FMN2: variants seen among roughly 807,000 people sequenced by gnomAD.
FMN2 encodes formin-2.
FMN2 carries 51 observed loss-of-function variants against 142.3 expected under a neutral mutation model. That is an observed-to-expected ratio of 0.36 (90% CI 0.29 to 0.45). The LOEUF is 0.45. Ranked by LOEUF, FMN2 falls within the 20% of genes least tolerant of loss-of-function variation. The pLI, the probability that FMN2 is intolerant of heterozygous loss-of-function variation, is 1.00. For synonymous variants in FMN2, 882 were observed against 869.8 expected (o/e 1.01, Z -0.25); for missense variants, 1,936 against 2,122.8 (o/e 0.91, Z 1.73).
intron 2 of FMN2, among the ~76,000 whole-genome samples, chr1:240,151,206 AATG>A (rs1663757236): frequency 6.6e-6 from 1 of 152,174 alleles, no homozygotes; most frequent in Admixed American, 6.5e-5. Context: ...CTCATTTTTA[AATG>A]ATGATAATAA....
chr1:240,265,757 G>A (rs902400987), intron 7 of FMN2, among the ~76,000 whole-genome samples: 7 of 152,004 alleles, frequency 4.6e-5, no homozygotes, highest in African/African-American at 1.7e-4. Flanking sequence ...TAGTTCAAAA[G>A]GCTATTGAGT....
rs757374350 is a variant in FMN2 at position 240,092,574 on chromosome 1, G to C, written c.465G>C (p.Gly155=). Residue 155 remains glycine, a synonymous_variant, in exon 1 of 18, where the codon GGG becomes GGC. Coordinates refer to ENST00000319653, the MANE Select transcript of FMN2 (RefSeq NM_020066.5). ...GGPGPAEARV[G]GRPIAEDVET... is the part of the protein sequence containing the mutation. ...CTGGGCCTGCCGAGGCTAGGGTCGG[G>C]GGCCGGCCGATCGCCGAGGATGTGG... is the stretch of plus-strand genomic sequence containing the variant. The C allele has an allele frequency of 1.9e-6, 3 of 1,613,490 alleles. No homozygotes were observed. Among genetic ancestry groups the C allele is most frequent in the Admixed American group, 1.7e-5 (1 of 59,980 alleles).
intron 15 of FMN2, among the ~76,000 whole-genome samples, chr1:240,426,796 C>T (rs886527136): frequency 8.5e-5 from 13 of 152,144 alleles, no homozygotes; most frequent in African/African-American, 3.1e-4. Context: ...AGTACAATGG[C>T]ATGATCTTGG....
chr1:240,437,202 A>G (rs368099057), intron 15 of FMN2, among the ~76,000 whole-genome samples: 68 of 152,132 alleles, frequency 4.5e-4, no homozygotes, highest in African/African-American at 1.6e-3. Flanking sequence ...GGCCCTGAGC[A>G]ATCTACCGTC....
At chr1:240,177,875 G>A (rs1165945953) in intron 2 of FMN2, 46 bp from the exon 3 acceptor site, 1 of 1,462,056 alleles carries the variant, frequency 6.8e-7, no homozygotes, top group East Asian at 2.4e-5. Flanking sequence ...TTATTTTTTT[G>A]TAACTGAATT....
At chr1:240,384,158 G>A (rs979641918) in intron 14 of FMN2, among the ~76,000 whole-genome samples, 3 of 152,008 alleles carry the variant, frequency 2.0e-5, no homozygotes, top group African/African-American at 7.2e-5. Flanking sequence ...GGTGGGAAGA[G>A]GAAGAGGAGG....
intron 8 of FMN2, among the ~76,000 whole-genome samples, chr1:240,320,884 G>T (rs184819474): frequency 6.6e-6 from 1 of 152,178 alleles, no homozygotes; most frequent in Non-Finnish European, 1.5e-5. Context: ...AGGTAAAAAC[G>T]CTGGTGCCTC....
At chr1:240,277,905 A>C (rs941784872) in intron 7 of FMN2, among the ~76,000 whole-genome samples, 15 of 152,148 alleles carry the variant, frequency 9.9e-5, no homozygotes, top group Admixed American at 9.8e-4. Context: ...ATGTCTGGTA[A>C]ACAATAAACT....
At chr1:240,267,570 A>G (rs758403173) in intron 7 of FMN2, among the ~76,000 whole-genome samples, 58 of 151,914 alleles carry the variant, frequency 3.8e-4, no homozygotes, top group Non-Finnish European at 6.3e-4. Context: ...AATAATCTGC[A>G]CAACAAACCC....
intron 7 of FMN2, 115 bp downstream of exon 7, chr1:240,258,147 A>G (rs901590014): frequency 1.4e-6 from 1 of 721,404 alleles, no homozygotes; most frequent in Non-Finnish European, 2.3e-6. Flanking sequence ...CGAGGTTAGT[A>G]TATATCCCGT....
chr1:240,370,204 T>A (rs1572239799), intron 14 of FMN2, among the ~76,000 whole-genome samples: 1 of 152,304 alleles, frequency 6.6e-6, no homozygotes, highest in African/African-American at 2.4e-5. Flanking sequence ...AGAATTTTCC[T>A]TATTTTCTAT....
intron 6 of FMN2, among the ~76,000 whole-genome samples, chr1:240,248,432 GATATATAT>G (rs36215850): frequency 0.54 from 76,938 of 142,312 alleles, 21,400 homozygotes; most frequent in African/African-American, 0.7. Context: ...CATGTGATTG[GATATATAT>G]ATATATATAT....
intron 15 of FMN2, among the ~76,000 whole-genome samples, chr1:240,396,183 T>C (rs981282808): frequency 2.6e-5 from 4 of 152,236 alleles, no homozygotes; most frequent in Admixed American, 6.5e-5. Flanking sequence ...GACTATAGTA[T>C]AATGTAAACA....
At chr1:240,210,919 A>T (rs1049589899) in intron 5 of FMN2, among the ~76,000 whole-genome samples, 172 bp from the exon 6 acceptor site, 1 of 152,178 alleles carries the variant, frequency 6.6e-6, no homozygotes. Context: ...TAAGTTGATC[A>T]AACAAATGGT....
intron 14 of FMN2, among the ~76,000 whole-genome samples, chr1:240,385,327 T>C (rs1375390995): frequency 6.6e-6 from 1 of 152,208 alleles, no homozygotes; most frequent in East Asian, 1.9e-4. Context: ...ATCCGAAGGA[T>C]TTTTATTTAA....
At chr1:240,150,326 G>A (rs752342638) in intron 2 of FMN2, among the ~76,000 whole-genome samples, 7 of 152,158 alleles carry the variant, frequency 4.6e-5, no homozygotes, top group Non-Finnish European at 7.3e-5. Context: ...GGTGGAAACT[G>A]GGTAGTCTCT....
chr1:240,429,874 G>GTT (rs142935410), intron 15 of FMN2, among the ~76,000 whole-genome samples: 7 of 145,268 alleles, frequency 4.8e-5, no homozygotes, highest in African/African-American at 1.8e-4. Flanking sequence ...TTCCTTTTTT[G>GTT]TTTTTTTTTG....
At chr1:240,227,713 A>G (rs1667362026) in intron 6 of FMN2, among the ~76,000 whole-genome samples, 2 of 152,188 alleles carry the variant, frequency 1.3e-5, no homozygotes, top group South Asian at 4.1e-4. Context: ...TGGTCTTTTC[A>G]ACAAATGGTG....
chr1:240,328,787 A>T (rs1263310246), intron 8 of FMN2, among the ~76,000 whole-genome samples: 1 of 151,858 alleles, frequency 6.6e-6, no homozygotes, highest in African/African-American at 2.4e-5. Flanking sequence ...ATGGGGTTTC[A>T]CCATGTTGGC....
Sources: allele counts gnomAD v4.1 joint callset (sites outside exome capture counted in the v4.1 genomes callset), GRCh38; gene constraint gnomAD v4.1.1; transcripts MANE v1.5; gene names NCBI Gene and HGNC (gene_info 2026-07-23, HGNC 2026-07-21).